The following FMNL2 variants were observed in gnomAD, a reference collection of about 807,000 sequenced individuals.
FMNL2 encodes formin-like protein 2.
FMNL2 carries 51 observed loss-of-function variants against 130.2 expected under a neutral mutation model. The ratio of observed to expected loss-of-function variants is 0.39; its 90% confidence interval spans 0.31 to 0.49. FMNL2 has a LOEUF of 0.49. Among genes scored for constraint, FMNL2 ranks in the 20% least tolerant of loss-of-function variants. The probability of loss-of-function intolerance (pLI) is 0.85; values close to 1 mark genes in which losing one functional copy is unlikely to be tolerated. For synonymous variants in FMNL2, 465 were observed against 467.1 expected (o/e 1.00, Z 0.06); for missense variants, 977 against 1,316.2 (o/e 0.74, Z 3.99).
intron 14 of FMNL2, 129 bp downstream of exon 14, chr2:152,619,287 GTTC>G (rs1699109934): frequency 7.7e-7 from 1 of 1,301,736 alleles, no homozygotes; most frequent in Non-Finnish European, 1.0e-6. Context: ...TTCTTGAGTA[GTTC>G]TTAACTGTTT....
At chr2:152,422,690 G>A (rs1011794203) in intron 1 of FMNL2, among the ~76,000 whole-genome samples, 3 of 151,978 alleles carry the variant, frequency 2.0e-5, no homozygotes, top group Non-Finnish European at 4.4e-5. Context: ...CATCACGCCC[G>A]GCTAATTTTT....
chr2:152,632,386 T>C (rs1580141278), intron 21 of FMNL2, among the ~76,000 whole-genome samples: 1 of 152,332 alleles, frequency 6.6e-6, no homozygotes, highest in Middle Eastern at 3.4e-3. Flanking sequence ...GTCCCTTCCC[T>C]CTTTTATTCA....
chr2:152,608,314 T>C (rs1016129569), intron 10 of FMNL2, among the ~76,000 whole-genome samples: 1 of 148,428 alleles, frequency 6.7e-6, no homozygotes. Flanking sequence ...GCTTCAGTGA[T>C]TATAAAACAT....
intron 9 of FMNL2, among the ~76,000 whole-genome samples, chr2:152,598,801 C>G (rs1697894343): frequency 2.0e-5 from 3 of 152,242 alleles, no homozygotes; most frequent in Admixed American, 1.3e-4. Flanking sequence ...GACAACAGGA[C>G]ATCTATAGAT....
At chr2:152,526,651 G>C (rs1166046560) in intron 2 of FMNL2, among the ~76,000 whole-genome samples, 2 of 152,020 alleles carry the variant, frequency 1.3e-5, no homozygotes, top group Non-Finnish European at 2.9e-5. Flanking sequence ...ATGATTAAAT[G>C]CTATTTTAAA....
Position 152,387,766 on chromosome 2 carries a change from G to C in FMNL2, c.117+52046G>C, listed in dbSNP as rs80025160. On this transcript the variant is annotated intron_variant, in intron 1 of 25. Coordinates refer to ENST00000288670, the MANE Select transcript of FMNL2 (RefSeq NM_052905.4). Reference sequence around the variant, plus strand: ...ACTTTTGGACTCAAGCCATCCTCCTGCCTCAGCCTCCTGAGTAGCTAGGTG... The same window carrying C: ...ACTTTTGGACTCAAGCCATCCTCCTCCCTCAGCCTCCTGAGTAGCTAGGTG... 3.8e-3 allele frequency among the ~76,000 whole-genome samples: 577 copies of C among 151,898 alleles called. 30 individuals carry two copies. The East Asian group carries it at 0.09, about 24-fold the overall frequency.
At chr2:152,355,959 A>G (rs1296387237) in intron 1 of FMNL2, among the ~76,000 whole-genome samples, 1 of 152,226 alleles carries the variant, frequency 6.6e-6, no homozygotes, top group Non-Finnish European at 1.5e-5. Flanking sequence ...CTCCCGCTAC[A>G]GAGGAAAATT....
intron 1 of FMNL2, among the ~76,000 whole-genome samples, chr2:152,375,877 C>CTCTCTATATATATATATATATA (rs796954245): frequency 2.5e-4 from 28 of 112,464 alleles, no homozygotes; most frequent in South Asian, 1.8e-3. Flanking sequence ...CTCTCTCTCT[C>CTCTCTATATATATATATATATA]TATATATATA....
At chr2:152,379,156 A>G (rs1684328444) in intron 1 of FMNL2, among the ~76,000 whole-genome samples, 2 of 152,300 alleles carry the variant, frequency 1.3e-5, no homozygotes, top group African/African-American at 4.8e-5. Context: ...GAGACCGCTA[A>G]TGATACTTTA....
At chr2:152,355,188 C>T (rs952466148) in intron 1 of FMNL2, among the ~76,000 whole-genome samples, 11 of 152,212 alleles carry the variant, frequency 7.2e-5, no homozygotes, top group Admixed American at 1.3e-4. Context: ...GGGTGCTAGA[C>T]GTTACTCTAA....
chr2:152,619,473 T>G (rs1699120340), intron 14 of FMNL2, 36 bp from the exon 15 acceptor site: 1 of 1,549,650 alleles, frequency 6.5e-7, no homozygotes, highest in Non-Finnish European at 8.7e-7. Context: ...CATTCCCGTA[T>G]TTTCAAAGTC....
chr2:152,435,066 G>GA (rs1687676981), intron 1 of FMNL2, among the ~76,000 whole-genome samples: 1 of 152,084 alleles, frequency 6.6e-6, no homozygotes, highest in South Asian at 2.1e-4. Flanking sequence ...ATACAGTCTA[G>GA]AAGGTATTCT....
chr2:152,467,427 C>T (rs762965974), intron 1 of FMNL2, among the ~76,000 whole-genome samples: 35 of 152,270 alleles, frequency 2.3e-4, no homozygotes, highest in Admixed American at 7.2e-4. Flanking sequence ...CGTTTGTTAA[C>T]GGGTACTTCA....
At chr2:152,413,274 A>G (rs560682017) in intron 1 of FMNL2, among the ~76,000 whole-genome samples, 1 of 152,220 alleles carries the variant, frequency 6.6e-6, no homozygotes, top group East Asian at 1.9e-4. Flanking sequence ...TCTGAGCTAC[A>G]TTGTATTGTC....
At chr2:152,557,449 A>G (rs1189152856) in intron 4 of FMNL2, among the ~76,000 whole-genome samples, 5 of 152,228 alleles carry the variant, frequency 3.3e-5, no homozygotes, top group South Asian at 2.1e-4. Context: ...ACACAAGGCA[A>G]TCTTTCCACT....
chr2:152,351,595 C>G (rs1424366451), intron 1 of FMNL2, among the ~76,000 whole-genome samples: 1 of 152,164 alleles, frequency 6.6e-6, no homozygotes, highest in African/African-American at 2.4e-5. Flanking sequence ...TTTATCCAGT[C>G]TATCATTGAT....
intron 2 of FMNL2, among the ~76,000 whole-genome samples, chr2:152,541,047 T>A (rs1694285328): frequency 1.3e-5 from 2 of 152,178 alleles, no homozygotes; most frequent in Admixed American, 1.3e-4. Context: ...AAAATTCCGT[T>A]GTGGAGTAAG....
intron 21 of FMNL2, among the ~76,000 whole-genome samples, chr2:152,632,844 TAC>T (rs780965215): frequency 1.3e-5 from 2 of 152,182 alleles, no homozygotes; most frequent in Non-Finnish European, 1.5e-5. Flanking sequence ...AGATTGACCT[TAC>T]AGTCATTTAT....
At chr2:152,646,278 G>A (rs532226730) in intron 25 of FMNL2, among the ~76,000 whole-genome samples, 1 of 152,230 alleles carries the variant, frequency 6.6e-6, no homozygotes, top group South Asian at 2.1e-4. Context: ...GCTGCAGTGA[G>A]CAGAGATCAC....
Sources: gnomAD v4.1 joint callset for allele counts (sites outside exome capture counted in the v4.1 genomes callset) on GRCh38, gnomAD v4.1.1 for gene constraint, MANE v1.5 for transcripts, NCBI Gene and HGNC (gene_info 2026-07-23, HGNC 2026-07-21) for gene names.